MAGI2: variants seen among roughly 807,000 people sequenced by gnomAD.
MAGI2 encodes the protein membrane-associated guanylate kinase, WW and PDZ domain-containing protein 2.
In MAGI2, 35 loss-of-function variants were observed where a neutral mutation model predicts 133.3. That is an observed-to-expected ratio of 0.26 (90% CI 0.20 to 0.35). MAGI2 has a LOEUF of 0.35. MAGI2 is among the 10% of genes least tolerant of loss of function. The probability of loss-of-function intolerance (pLI) is 1.00; values close to 1 mark genes in which losing one functional copy is unlikely to be tolerated. For synonymous variants in MAGI2, 729 were observed against 710.6 expected (o/e 1.03, Z -0.41); for missense variants, 1,636 against 1,863.4 (o/e 0.88, Z 2.25).
intron 3 of MAGI2, among the ~76,000 whole-genome samples, chr7:78,625,650 C>A (rs1468521692): frequency 6.6e-6 from 1 of 152,152 alleles, no homozygotes; most frequent in Non-Finnish European, 1.5e-5. Context: ...ACTCTGGGCT[C>A]ACCCGCTAAT....
intron 1 of MAGI2, among the ~76,000 whole-genome samples, chr7:79,050,836 C>T (rs1812610348): frequency 2.0e-5 from 3 of 152,288 alleles, no homozygotes; most frequent in Non-Finnish European, 4.4e-5. Context: ...TTTCAGTTTT[C>T]GCATTGAGAA....
intron 2 of MAGI2, 137 bp from the exon 3 acceptor site, chr7:78,627,376 C>A: frequency 1.3e-6 from 1 of 756,948 alleles, no homozygotes; most frequent in South Asian, 3.6e-5. Context: ...ATTTGTCCTT[C>A]TGTTTGTTTG....
At chr7:78,578,011 C>G (rs2150798457) in intron 3 of MAGI2, among the ~76,000 whole-genome samples, 1 of 146,122 alleles carries the variant, frequency 6.8e-6, no homozygotes, top group African/African-American at 2.5e-5. Context: ...ATATGAAAAC[C>G]AGTTATCACT....
At chr7:78,149,651 G>C (rs1009073656) in intron 16 of MAGI2, among the ~76,000 whole-genome samples, 31 of 152,176 alleles carry the variant, frequency 2.0e-4, no homozygotes, top group African/African-American at 6.8e-4. Flanking sequence ...TATCTCAACT[G>C]CTCTGTGCCA....
chr7:79,434,620 T>G (rs1375412568), intron 1 of MAGI2, among the ~76,000 whole-genome samples: 1 of 152,166 alleles, frequency 6.6e-6, no homozygotes, highest in Non-Finnish European at 1.5e-5. Context: ...CTAAATATAT[T>G]CAGAAAGAAA....
At chr7:78,228,606 C>T (rs1789645650) in intron 10 of MAGI2, among the ~76,000 whole-genome samples, 1 of 152,072 alleles carries the variant, frequency 6.6e-6, no homozygotes, top group Admixed American at 6.5e-5. Flanking sequence ...TTTTTAGATG[C>T]TGAAAATACA....
intron 6 of MAGI2, among the ~76,000 whole-genome samples, chr7:78,415,096 A>G (rs111656029): frequency 4.0e-4 from 61 of 152,224 alleles, no homozygotes; most frequent in African/African-American, 1.5e-3. Flanking sequence ...GCCTTTATTC[A>G]TACACATCCA....
At chr7:78,259,859 A>C (rs956490460) in intron 9 of MAGI2, among the ~76,000 whole-genome samples, 1 of 152,210 alleles carries the variant, frequency 6.6e-6, no homozygotes. Flanking sequence ...TGTAGTGATT[A>C]ATGTTACCTA....
At chr7:78,401,239 A>G (rs955766333) in intron 6 of MAGI2, among the ~76,000 whole-genome samples, 2 of 152,168 alleles carry the variant, frequency 1.3e-5, no homozygotes, top group Non-Finnish European at 2.9e-5. Context: ...GAGGAAAACA[A>G]AATGGAAGGA....
chr7:79,101,552 G>C (rs973959596), intron 1 of MAGI2, among the ~76,000 whole-genome samples: 1 of 151,804 alleles, frequency 6.6e-6, no homozygotes, highest in Non-Finnish European at 1.5e-5. Flanking sequence ...GTGAAACCCC[G>C]TCTCCACTAA....
rs200845692 is a variant in MAGI2 at position 78,309,671 on chromosome 7, T to TA, written c.1408+34106dup. On this transcript the variant is annotated intron_variant, in intron 9 of 21. Coordinates refer to ENST00000354212, the MANE Select transcript of MAGI2 (RefSeq NM_012301.4). ...ATATGTGTATCCCCTGAAACTAAAATAAAAAAAAATAGATTTTAAAAAATA... is the reference window on the plus strand; with the variant it reads ...ATATGTGTATCCCCTGAAACTAAAATAAAAAAAAAATAGATTTTAAAAAATA... Among the ~76,000 whole-genome samples the TA allele has an allele frequency of 3.3e-3, 490 of 150,698 alleles. 2 individuals carry two copies. Among genetic ancestry groups the TA allele is most frequent in the African/African-American group, 0.011 (459 of 41,092 alleles).
At chr7:78,083,757 A>G (rs777846761) in intron 20 of MAGI2, among the ~76,000 whole-genome samples, 6 of 152,198 alleles carry the variant, frequency 3.9e-5, no homozygotes, top group Non-Finnish European at 8.8e-5. Context: ...ACAAAACACC[A>G]AATCTTTGAA....
chr7:79,166,630 C>G (rs1428336355), intron 1 of MAGI2, among the ~76,000 whole-genome samples: 4 of 152,048 alleles, frequency 2.6e-5, no homozygotes. Context: ...TTTGTGTTAT[C>G]TAAAATTCCA....
chr7:79,137,441 G>C (rs1229867591), intron 1 of MAGI2, among the ~76,000 whole-genome samples: 1 of 98,774 alleles, frequency 1.0e-5, no homozygotes, highest in African/African-American at 2.8e-5. Context: ...CCACTTCTGG[G>C]TGTTTTTTGT....
chr7:79,166,134 C>T, intron 1 of MAGI2, among the ~76,000 whole-genome samples: 1 of 151,950 alleles, frequency 6.6e-6, no homozygotes, highest in East Asian at 1.9e-4. Context: ...ATGTGGTAGG[C>T]AGAACTCTAA....
chr7:78,699,753 C>T (rs1246639688), intron 2 of MAGI2, among the ~76,000 whole-genome samples: 2 of 152,068 alleles, frequency 1.3e-5, no homozygotes, highest in African/African-American at 2.4e-5. Flanking sequence ...TCATATATAA[C>T]ACTTTGGCAT....
At chr7:78,319,663 C>T (rs1050770531) in intron 9 of MAGI2, among the ~76,000 whole-genome samples, 1 of 152,070 alleles carries the variant, frequency 6.6e-6, no homozygotes, top group Non-Finnish European at 1.5e-5. Context: ...TAAATGCCCA[C>T]AAGAGAAAGC....
chr7:78,859,576 C>A (rs1352623345), intron 2 of MAGI2, among the ~76,000 whole-genome samples: 1 of 152,228 alleles, frequency 6.6e-6, no homozygotes. Context: ...CCCCCACTCT[C>A]TTCTGGCTTG....
At chr7:78,913,853 T>G (rs1239564743) in intron 2 of MAGI2, among the ~76,000 whole-genome samples, 1 of 152,208 alleles carries the variant, frequency 6.6e-6, no homozygotes, top group Non-Finnish European at 1.5e-5. Context: ...ATATGCATTA[T>G]GCAAAGTCTA....
Sources: gnomAD v4.1 joint callset for allele counts (sites outside exome capture counted in the v4.1 genomes callset) on GRCh38, gnomAD v4.1.1 for gene constraint, MANE v1.5 for transcripts, NCBI Gene and HGNC (gene_info 2026-07-23, HGNC 2026-07-21) for gene names.